FGF14: variants seen among roughly 807,000 people sequenced by gnomAD.
The protein encoded by FGF14 is fibroblast growth factor homologous factor 4.
In FGF14, 5 loss-of-function variants were observed where a neutral mutation model predicts 25.5. The observed-to-expected ratio is 0.20, with a 90% confidence interval of 0.10 to 0.41. The LOEUF (loss-of-function observed/expected upper bound fraction) is 0.41. Ranked by LOEUF, FGF14 falls within the 10% of genes least tolerant of loss-of-function variation. The pLI is 1.00. For synonymous variants in FGF14, 138 were observed against 118.3 expected (o/e 1.17, Z -1.08); for missense variants, 222 against 320.1 (o/e 0.69, Z 2.34).
intron 1 of FGF14, among the ~76,000 whole-genome samples, chr13:102,255,787 T>C (rs571521250): frequency 6.6e-6 from 1 of 152,302 alleles, no homozygotes; most frequent in East Asian, 1.9e-4. Context: ...TCTAGCTGAG[T>C]TAAAACCATA....
At position 101,715,455 on chromosome 13, in the gene FGF14, A is replaced by C; in HGVS notation, c.*7376T>G. 3.7e-6 allele frequency: 3 copies of C among 806,584 alleles called. No individual in the cohort carries two copies. Among genetic ancestry groups the C allele is most frequent in the Non-Finnish European group, 2.2e-6 (1 of 462,134 alleles). 50.0% of individuals were successfully genotyped at this position (806,584 alleles called of 1,614,324 possible). Reference sequence around the variant, plus strand: ...TCATTGCACAATAAGAAAATCTACCAAGGATGAATGAAATGATTTCATTGT... The same window carrying C: ...TCATTGCACAATAAGAAAATCTACCCAGGATGAATGAAATGATTTCATTGT... On this transcript the variant is annotated 3_prime_UTR_variant, in exon 5 of 5. Transcript: ENST00000376143.
chr13:102,257,637 G>A (rs1042740463), intron 1 of FGF14, among the ~76,000 whole-genome samples: 2 of 151,944 alleles, frequency 1.3e-5, no homozygotes, highest in Non-Finnish European at 2.9e-5. Context: ...CCAGCCGTTT[G>A]CATGTGCATT....
chr13:102,029,461 T>C (rs1048285241), intron 1 of FGF14, among the ~76,000 whole-genome samples: 3 of 152,052 alleles, frequency 2.0e-5, no homozygotes, highest in African/African-American at 7.2e-5. Context: ...AATAAATGCA[T>C]TTGAAAAATG....
At chr13:101,845,851 AAG>A (rs1395785197) in intron 3 of FGF14, among the ~76,000 whole-genome samples, 2 of 151,976 alleles carry the variant, frequency 1.3e-5, no homozygotes. Context: ...TTCCAGAGAA[AAG>A]AGTCATGACT....
chr13:101,911,149 A>G lies in FGF14; in HGVS notation c.193+5304T>C, dbSNP rs148640788. 6.5e-3 allele frequency among the ~76,000 whole-genome samples: 987 copies of G among 152,246 alleles called. 10 individuals are homozygous for G. Among genetic ancestry groups the G allele is most frequent in the Non-Finnish European group, 0.01 (700 of 67,988 alleles). On this transcript the variant is annotated intron_variant, in intron 1 of 4. Transcript: ENST00000376143. ...CGTAACTTTACACCAAAGAGAAGGG[A>G]GGTTCTTGTTGGGTTTGAAAATACT...
intron 1 of FGF14, among the ~76,000 whole-genome samples, chr13:102,278,939 CTT>C (rs2053688578): frequency 6.6e-6 from 1 of 152,012 alleles, no homozygotes; most frequent in Non-Finnish European, 1.5e-5. Flanking sequence ...CATTTTGCGA[CTT>C]ATATATACCA....
At chr13:102,378,059 T>G (rs2139153038) in intron 1 of FGF14, among the ~76,000 whole-genome samples, 1 of 152,312 alleles carries the variant, frequency 6.6e-6, no homozygotes, top group South Asian at 2.1e-4. Context: ...CAAGCTTAAC[T>G]TGGATACTTT....
chr13:102,063,434 G>T (rs1419895388), intron 1 of FGF14, among the ~76,000 whole-genome samples: 1 of 151,832 alleles, frequency 6.6e-6, no homozygotes, highest in Non-Finnish European at 1.5e-5. Context: ...GGGCAACATG[G>T]CAAAACCTCA....
At chr13:101,840,189 A>G (rs1315424550) in intron 3 of FGF14, among the ~76,000 whole-genome samples, 1 of 151,974 alleles carries the variant, frequency 6.6e-6, no homozygotes, top group Non-Finnish European at 1.5e-5. Flanking sequence ...GAGTATGTTT[A>G]TTTTAAAAGG....
At chr13:102,307,853 T>C (rs1347818501) in intron 1 of FGF14, among the ~76,000 whole-genome samples, 2 of 152,150 alleles carry the variant, frequency 1.3e-5, no homozygotes, top group Non-Finnish European at 2.9e-5. Flanking sequence ...CAAGCATTTA[T>C]TAGGAATATA....
In FGF14 at chr13:101,875,305, C is replaced by T. The variant is rs768049427; in HGVS notation, c.194-9G>A. 20 of 1,574,932 alleles carry T rather than the reference C, an allele frequency of 1.3e-5. No homozygotes were observed. Among genetic ancestry groups the T allele is most frequent in the Admixed American group, 8.3e-5 (5 of 59,882 alleles). Reference sequence around the variant, plus strand: ...ACCCTTGAGCTGGGGATCTGAAAGGCAAACATAGTTATCATAAGCCTCACA... The same window carrying T: ...ACCCTTGAGCTGGGGATCTGAAAGGTAAACATAGTTATCATAAGCCTCACA... On this transcript the variant is annotated splice_polypyrimidine_tract_variant and intron_variant, in intron 1 of 4. Transcript: ENST00000376143.
At chr13:102,127,745 C>A (rs781111981) in intron 1 of FGF14, among the ~76,000 whole-genome samples, 3 of 152,318 alleles carry the variant, frequency 2.0e-5, no homozygotes, top group South Asian at 2.1e-4. Context: ...CACCACTGAG[C>A]AATGCCAATG....
chr13:101,725,004 T>A (rs1012327461), intron 4 of FGF14, among the ~76,000 whole-genome samples: 1 of 151,956 alleles, frequency 6.6e-6, no homozygotes, highest in African/African-American at 2.4e-5. Flanking sequence ...AATAACTGGT[T>A]CCCAAATTTT....
intron 1 of FGF14, among the ~76,000 whole-genome samples, chr13:101,877,502 C>G (rs1474436281): frequency 1.3e-5 from 2 of 152,092 alleles, no homozygotes; most frequent in Non-Finnish European, 2.9e-5. Flanking sequence ...GGGTACATAA[C>G]CAGTAAGTTA....
chr13:102,177,953 G>A (rs991989175), intron 1 of FGF14, among the ~76,000 whole-genome samples: 2 of 151,882 alleles, frequency 1.3e-5, no homozygotes, highest in Non-Finnish European at 2.9e-5. Context: ...TCATCATTCA[G>A]CACATAGCAC....
At chr13:102,194,949 C>T (rs71435118) in intron 1 of FGF14, among the ~76,000 whole-genome samples, 47 of 151,730 alleles carry the variant, frequency 3.1e-4, no homozygotes, top group East Asian at 7.7e-4. Flanking sequence ...CAGAAGGCAA[C>T]GGGATGACAT....
At chr13:102,336,638 G>A (rs145945122) in intron 1 of FGF14, among the ~76,000 whole-genome samples, 107 of 152,272 alleles carry the variant, frequency 7.0e-4, no homozygotes, top group African/African-American at 2.3e-3. Flanking sequence ...GCCAGCTATT[G>A]GAAGGAAATG....
chr13:102,361,911 G>A lies in FGF14; in HGVS notation c.208+39560C>T, dbSNP rs77665110. ...AGTGTGGACATGAAAAGCAGTCCAGGGCTGACATGGTGGTTTCACGGTGTC... is the reference window on the plus strand; with the variant it reads ...AGTGTGGACATGAAAAGCAGTCCAGAGCTGACATGGTGGTTTCACGGTGTC... On this transcript the variant is annotated intron_variant, in intron 1 of 4. Coordinates refer to the FGF14 transcript ENST00000376131. Among the ~76,000 whole-genome samples, 843 of 151,944 alleles carry A rather than the reference G, an allele frequency of 5.5e-3. 3 individuals are homozygous for A. The highest frequency in any genetic ancestry group is 0.011 in the Admixed American group (163 of 15,250).
chr13:101,837,148 T>C (rs2042963693), intron 3 of FGF14, among the ~76,000 whole-genome samples: 1 of 151,634 alleles, frequency 6.6e-6, no homozygotes, highest in Non-Finnish European at 1.5e-5. Flanking sequence ...ATTTTTCAAG[T>C]GTGACTGAGC....
Sources: gnomAD v4.1 joint callset for allele counts (sites outside exome capture counted in the v4.1 genomes callset) on GRCh38, gnomAD v4.1.1 for gene constraint, MANE v1.5 for transcripts, NCBI Gene and HGNC (gene_info 2026-07-23, HGNC 2026-07-21) for gene names.